The following SLC24A3 variants were observed in gnomAD, a reference collection of about 807,000 sequenced individuals.
SLC24A3 encodes solute carrier family 24 member 3.
In SLC24A3, 28 loss-of-function variants were observed where a neutral mutation model predicts 75.8. That is an observed-to-expected ratio of 0.37 (90% CI 0.27 to 0.51). The LOEUF (loss-of-function observed/expected upper bound fraction) is 0.51, where lower values mean the gene tolerates loss of function less well. SLC24A3 is among the 20% of genes least tolerant of loss of function. The pLI is 0.94. For synonymous variants in SLC24A3, 372 were observed against 334.1 expected (o/e 1.11, Z -1.24); for missense variants, 663 against 847.8 (o/e 0.78, Z 2.71).
chr20:19,226,725 A>T (rs544106705), intron 1 of SLC24A3, among the ~76,000 whole-genome samples: 2 of 152,218 alleles, frequency 1.3e-5, no homozygotes, highest in Admixed American at 1.3e-4. Context: ...TCCAATTTAC[A>T]TGCGAAGAAA....
chr20:19,686,170 C>T (rs1472814182), intron 12 of SLC24A3, among the ~76,000 whole-genome samples: 2 of 152,200 alleles, frequency 1.3e-5, no homozygotes, highest in Admixed American at 6.5e-5. Flanking sequence ...GCCCATGACC[C>T]GTGTGGGCAA....
At chr20:19,220,492 G>A (rs1981676082) in intron 1 of SLC24A3, among the ~76,000 whole-genome samples, 1 of 152,224 alleles carries the variant, frequency 6.6e-6, no homozygotes, top group African/African-American at 2.4e-5. Context: ...AACAAAAGGG[G>A]TGGGATAAGG....
rs942889781 is a variant in SLC24A3, at chr20:19,698,877, G to A, written c.1719+197G>A. On this transcript the variant is annotated intron_variant, in intron 15 of 16. Transcript: ENST00000328041. The stretch of plus-strand genomic sequence containing the variant: ...ATTCAGGACTTTAGAGCAGGGGCCA[G>A]CAAACTTTTTCTGTCGAGGGGCAAA... Among the ~76,000 whole-genome samples the A allele has an allele frequency of 3.3e-5, 5 of 152,266 alleles. No homozygotes were observed. In the East Asian group the frequency reaches 9.7e-4, roughly 29 times the overall value.
At position 19,685,280 on chromosome 20, in the gene SLC24A3, A is replaced by C; in HGVS notation, c.1243A>C (p.Asn415His). 3 of 1,614,098 alleles carry C rather than the reference A, an allele frequency of 1.9e-6. No individual in the cohort carries two copies. The highest frequency in any genetic ancestry group is 2.5e-6 in the Non-Finnish European group (3 of 1,180,020). ...AEAGNETENE[N>H]EDNENDEEEE... ...GGCTGGCAACGAAACAGAGAATGAA[A>C]ATGAGGACAATGAGAATGATGAGGA... The change falls in exon 12 of 17, where the codon AAT becomes CAT. Residue 415 changes from asparagine to histidine, a missense_variant. By Grantham distance (68) the Asn-to-His change is moderately conservative (BLOSUM62 1). Coordinates refer to ENST00000328041, the MANE Select transcript of SLC24A3 (RefSeq NM_020689.4).
At position 19,285,334 on chromosome 20, in the gene SLC24A3, C is replaced by T. The variant is rs371016589; in HGVS notation, c.271+4247C>T. On this transcript the variant is annotated intron_variant, in intron 2 of 16. Coordinates refer to ENST00000328041, the MANE Select transcript of SLC24A3 (RefSeq NM_020689.4). ...CTCTATAAAATGTACAAAAGTTAGC[C>T]AGTCGTGGTGGTGTGAGTCTGTGGT... 5.9e-5 allele frequency among the ~76,000 whole-genome samples: 9 copies of T among 151,864 alleles called. No individual in the cohort carries two copies. In the East Asian group the frequency reaches 1.2e-3, roughly 20 times the overall value.
rs1214567192 is a variant in SLC24A3, at chr20:19,212,867, C to T, written c.25C>T (p.Arg9Cys). The T allele has an allele frequency of 1.6e-6, 2 of 1,235,068 alleles. No individual in the cohort carries two copies. Among genetic ancestry groups the T allele is most frequent in the East Asian group, 3.5e-5 (1 of 28,868 alleles). 76.5% of individuals were successfully genotyped at this position (1,235,068 alleles called of 1,614,324 possible). The part of the protein sequence containing the change: MRPSGDED[R>C]ARRRRRRRRR... Reference sequence around the variant, plus strand: ...GATGCGGCCGTCCGGCGACGAGGACCGCGCGCGTCGCCGCCGCCGCCGCCG... The same window carrying T: ...GATGCGGCCGTCCGGCGACGAGGACTGCGCGCGTCGCCGCCGCCGCCGCCG... Residue 9 changes from arginine to cysteine, a missense_variant, in exon 1 of 17, where the codon CGC becomes TGC. This residue lies in a region of SLC24A3 where 153 missense variants were observed against 144.2 expected (regional missense o/e 1.06). Transcript: ENST00000328041.
At chr20:19,549,589 G>A (rs2030658371) in intron 3 of SLC24A3, among the ~76,000 whole-genome samples, 1 of 152,142 alleles carries the variant, frequency 6.6e-6, no homozygotes, top group Non-Finnish European at 1.5e-5. Flanking sequence ...TTCAAAACCA[G>A]CTTGGCCAAC....
intron 16 of SLC24A3, among the ~76,000 whole-genome samples, chr20:19,720,129 A>G (rs1180460891): frequency 1.3e-5 from 2 of 152,244 alleles, no homozygotes; most frequent in African/African-American, 4.8e-5. Flanking sequence ...ACCTTTCTGC[A>G]GTGAAATGGC....
Position 19,229,481 on chromosome 20 carries a change from A to G in SLC24A3, c.142+16497A>G, listed in dbSNP as rs558005967. 5.9e-5 allele frequency among the ~76,000 whole-genome samples: 9 copies of G among 152,298 alleles called. No individual in the cohort carries two copies. The South Asian group carries it at 1.7e-3, about 28-fold the overall frequency. On this transcript the variant is annotated intron_variant, in intron 1 of 16. Transcript: ENST00000328041. ...GATGTTTAGTGTAGCTTTAGACTCA[A>G]ACTATAAGTTTTGAAATGTCATGCA... is the stretch of plus-strand genomic sequence containing the variant.
chr20:19,426,963 C>T (rs762010469), intron 2 of SLC24A3, among the ~76,000 whole-genome samples: 86 of 152,144 alleles, frequency 5.7e-4, no homozygotes, highest in South Asian at 1.9e-3. Context: ...CAGGTGAATG[C>T]GTGAAGGGGA....
chr20:19,703,913 T>C (rs1373140207), intron 15 of SLC24A3, among the ~76,000 whole-genome samples: 2 of 152,174 alleles, frequency 1.3e-5, no homozygotes, highest in Non-Finnish European at 2.9e-5. Context: ...CTCTAGCTCA[T>C]CCTTCAGGTA....
Position 19,599,838 on chromosome 20 carries a change from G to A in SLC24A3, c.612+14294G>A, listed in dbSNP as rs117339924. Among the ~76,000 whole-genome samples, 202 of 152,206 alleles carry A rather than the reference G, an allele frequency of 1.3e-3. 2 individuals carry two copies. In the East Asian group the frequency reaches 0.017, roughly 13 times the overall value. ...AGTTTGTTCAGCCCATCCTGTTCCTGGCATCTACTCTCTTTGGGAAGAATT... is the reference window on the plus strand; with the variant it reads ...AGTTTGTTCAGCCCATCCTGTTCCTAGCATCTACTCTCTTTGGGAAGAATT... On this transcript the variant is annotated intron_variant, in intron 6 of 16. Transcript: ENST00000328041.
chr20:19,406,181 GGTGTGTGT>G (rs372463704), intron 2 of SLC24A3, among the ~76,000 whole-genome samples: 5 of 145,368 alleles, frequency 3.4e-5, no homozygotes, highest in African/African-American at 1.0e-4. Flanking sequence ...TTTTAAAGAT[GGTGTGTGT>G]GTGTGTGTGT....
At chr20:19,586,910 T>G (rs2031305163) in intron 6 of SLC24A3, among the ~76,000 whole-genome samples, 2 of 152,222 alleles carry the variant, frequency 1.3e-5, no homozygotes, top group Admixed American at 1.3e-4. Context: ...TCTTAGATTT[T>G]GTGTACCCAC....
At position 19,327,424 on chromosome 20, in the gene SLC24A3, T is replaced by C. The variant is rs184416935; in HGVS notation, c.271+46337T>C. 1.8e-3 allele frequency among the ~76,000 whole-genome samples: 277 copies of C among 152,356 alleles called. 3 individuals are homozygous for C. Among genetic ancestry groups the C allele is most frequent in the African/African-American group, 5.9e-3 (246 of 41,580 alleles). ...TATGAGCAACAAATGATTTGTTAACTTCACAGACTCTTGCCAGAATAAACA... is the reference window on the plus strand; with the variant it reads ...TATGAGCAACAAATGATTTGTTAACCTCACAGACTCTTGCCAGAATAAACA... On this transcript the variant is annotated intron_variant, in intron 2 of 16. Transcript: ENST00000328041.
intron 2 of SLC24A3, among the ~76,000 whole-genome samples, chr20:19,308,982 G>C (rs1201401279): frequency 6.6e-6 from 1 of 152,206 alleles, no homozygotes; most frequent in Non-Finnish European, 1.5e-5. Flanking sequence ...ACAGTGCACG[G>C]AATGTGGATT....
intron 6 of SLC24A3, among the ~76,000 whole-genome samples, chr20:19,588,365 A>G (rs1313913945): frequency 2.6e-5 from 4 of 152,202 alleles, no homozygotes; most frequent in African/African-American, 7.2e-5. Flanking sequence ...GCCTCCCTCT[A>G]TGAATTTCAG....
At chr20:19,279,621 T>A (rs2122222048) in intron 1 of SLC24A3, among the ~76,000 whole-genome samples, 1 of 152,312 alleles carries the variant, frequency 6.6e-6, no homozygotes, top group South Asian at 2.1e-4. Flanking sequence ...TGAAGGATAT[T>A]GTGTTCTTCC....
intron 2 of SLC24A3, among the ~76,000 whole-genome samples, chr20:19,395,788 G>A (rs1250261973): frequency 6.6e-6 from 1 of 152,162 alleles, no homozygotes; most frequent in Non-Finnish European, 1.5e-5. Context: ...ATGTGAAAAG[G>A]CATGGGGTTG....
Sources: allele counts gnomAD v4.1 joint callset (sites outside exome capture counted in the v4.1 genomes callset), GRCh38; gene constraint gnomAD v4.1.1; regional missense constraint gnomAD v4.1.1; transcripts MANE v1.5; gene names NCBI Gene and HGNC (gene_info 2026-07-23, HGNC 2026-07-21).